ACBD6: variants seen among roughly 807,000 people sequenced by gnomAD.
ACBD6 encodes the protein acyl-CoA binding domain containing 6.
ACBD6 carries 28 observed loss-of-function variants against 37.2 expected under a neutral mutation model. The ratio of observed to expected loss-of-function variants is 0.75; its 90% CI spans 0.56 to 1.03. The LOEUF is 1.03. Among genes scored for constraint, ACBD6 ranks in the 50% least tolerant of loss-of-function variants. ACBD6 has a pLI of 0.00. For missense variants in ACBD6, 340 were observed against 337.4 expected (o/e 1.01, Z -0.06); for synonymous variants, 113 against 126.8 (o/e 0.89, Z 0.73).
chr1:180,491,012 G>C (rs916321735), intron 3 of ACBD6, among the ~76,000 whole-genome samples: 1 of 148,260 alleles, frequency 6.7e-6, no homozygotes, highest in African/African-American at 2.5e-5. Context: ...CTAAAAGGCA[G>C]TCATATCATT....
chr1:180,459,966 T>G (rs937157756), intron 3 of ACBD6, among the ~76,000 whole-genome samples: 1 of 114,858 alleles, frequency 8.7e-6, no homozygotes, highest in African/African-American at 3.5e-5. Flanking sequence ...CCAGACTGCT[T>G]CTTTTTTTTT....
intron 1 of ACBD6, among the ~76,000 whole-genome samples, chr1:180,500,522 G>T (rs112824291): frequency 1.5e-4 from 23 of 151,536 alleles, no homozygotes; most frequent in African/African-American, 5.3e-4. Flanking sequence ...ATGAAACCCC[G>T]TCTCTTCTAA....
intron 3 of ACBD6, among the ~76,000 whole-genome samples, chr1:180,438,663 T>C (rs1649153953): frequency 6.6e-6 from 1 of 152,222 alleles, no homozygotes; most frequent in South Asian, 2.1e-4. Flanking sequence ...CTCATACCTC[T>C]CACATGTATA....
At chr1:180,379,036 T>A (rs1385915649) in intron 6 of ACBD6, among the ~76,000 whole-genome samples, 1 of 152,036 alleles carries the variant, frequency 6.6e-6, no homozygotes, top group African/African-American at 2.4e-5. Flanking sequence ...CTAATACCAA[T>A]GCCAGGGTAC....
intron 4 of ACBD6, among the ~76,000 whole-genome samples, chr1:180,419,937 TAA>T (rs1648285216): frequency 6.6e-6 from 1 of 152,186 alleles, no homozygotes; most frequent in Non-Finnish European, 1.5e-5. Context: ...TTTGTTTCTC[TAA>T]AAGTTTTTAT....
intron 6 of ACBD6, among the ~76,000 whole-genome samples, chr1:180,384,821 G>A (rs1459934121): frequency 1.3e-5 from 2 of 152,136 alleles, no homozygotes; most frequent in African/African-American, 2.4e-5. Flanking sequence ...AGTCAGCTAT[G>A]AAGAAGAATG....
rs12022220 is a variant in ACBD6 at position 180,295,322 on chromosome 1, G to A, written c.695-6805C>T. 7.5e-4 allele frequency among the ~76,000 whole-genome samples: 111 copies of A among 147,582 alleles called. 1 individual carries two copies. The East Asian group carries it at 0.014, about 19-fold the overall frequency. ...GTCTTGCTCTGTCGCCCAGGCTGAA[G>A]TGCAGTGGTGCAATCTTGGCTTGCT... On this transcript the variant is annotated intron_variant, in intron 7 of 7. Coordinates refer to ENST00000367595, the MANE Select transcript of ACBD6 (RefSeq NM_032360.4).
At chr1:180,378,802 G>T (rs1205736960) in intron 6 of ACBD6, among the ~76,000 whole-genome samples, 1 of 151,982 alleles carries the variant, frequency 6.6e-6, no homozygotes, top group Non-Finnish European at 1.5e-5. Context: ...GCTACCTGCA[G>T]ATTTGGGCAC....
chr1:180,444,037 A>T (rs1220917914), intron 3 of ACBD6, among the ~76,000 whole-genome samples: 2 of 152,014 alleles, frequency 1.3e-5, no homozygotes, highest in Non-Finnish European at 2.9e-5. Context: ...GCAAAAGGGT[A>T]AATCTCATCC....
intron 6 of ACBD6, among the ~76,000 whole-genome samples, chr1:180,376,466 T>C (rs1485201087): frequency 6.6e-6 from 1 of 152,204 alleles, no homozygotes; most frequent in Non-Finnish European, 1.5e-5. Context: ...CAATAAACTA[T>C]GGTACATCCA....
chr1:180,467,106 T>C (rs563233184), intron 3 of ACBD6, among the ~76,000 whole-genome samples: 167 of 152,042 alleles, frequency 1.1e-3, no homozygotes, highest in African/African-American at 3.6e-3. Context: ...AAGTAGCAAA[T>C]TCTTTTATAT....
At chr1:180,312,455 T>G (rs1650630714) in intron 7 of ACBD6, among the ~76,000 whole-genome samples, 1 of 152,074 alleles carries the variant, frequency 6.6e-6, no homozygotes, top group Admixed American at 6.6e-5. Flanking sequence ...ATTTGTAGAG[T>G]TTCTTGGATT....
chr1:180,367,866 C>T (rs1653107635), intron 6 of ACBD6, among the ~76,000 whole-genome samples: 1 of 152,100 alleles, frequency 6.6e-6, no homozygotes, highest in Non-Finnish European at 1.5e-5. Context: ...GTGCATGTGT[C>T]TTTATGGTAG....
At chr1:180,323,359 G>A (rs1049729346) in intron 6 of ACBD6, among the ~76,000 whole-genome samples, 26 of 152,086 alleles carry the variant, frequency 1.7e-4, no homozygotes, top group South Asian at 6.2e-4. Context: ...TTTATGTGCC[G>A]AGAAGAATGT....
chr1:180,408,405 A>G, intron 5 of ACBD6, among the ~76,000 whole-genome samples: 1 of 152,180 alleles, frequency 6.6e-6, no homozygotes, highest in East Asian at 1.9e-4. Context: ...CATTCTCAGT[A>G]AACTATCGCA....
At chr1:180,491,163 T>C (rs1359186733) in intron 3 of ACBD6, among the ~76,000 whole-genome samples, 2 of 152,098 alleles carry the variant, frequency 1.3e-5, no homozygotes, top group African/African-American at 2.4e-5. Context: ...AATTCCTTCA[T>C]ACCAGTAACA....
At chr1:180,483,776 T>C (rs1273320053) in intron 3 of ACBD6, among the ~76,000 whole-genome samples, 1 of 152,180 alleles carries the variant, frequency 6.6e-6, no homozygotes, top group Non-Finnish European at 1.5e-5. Context: ...TGTTTTTGCC[T>C]AGTGTATATG....
At chr1:180,427,660 C>T (rs945948221) in intron 4 of ACBD6, among the ~76,000 whole-genome samples, 1 of 152,126 alleles carries the variant, frequency 6.6e-6, no homozygotes, top group African/African-American at 2.4e-5. Context: ...CAGCGGCTCA[C>T]GCCTGTAATC....
At chr1:180,387,502 C>T (rs1456550523) in intron 6 of ACBD6, among the ~76,000 whole-genome samples, 1 of 152,178 alleles carries the variant, frequency 6.6e-6, no homozygotes, top group African/African-American at 2.4e-5. Context: ...TCTAGGCTTC[C>T]CATTTGGCCT....
Sources: allele counts gnomAD v4.1 joint callset (sites outside exome capture counted in the v4.1 genomes callset), GRCh38; gene constraint gnomAD v4.1.1; transcripts MANE v1.5; gene names NCBI Gene and HGNC (gene_info 2026-07-23, HGNC 2026-07-21).